Variants in RABGAP1L observed in about 807,000 individuals in gnomAD.
RABGAP1L encodes the protein rab GTPase-activating protein 1-like.
RABGAP1L carries 63 observed loss-of-function variants against 137.7 expected under a neutral mutation model. The observed-to-expected ratio is 0.46, with a 90% CI of 0.37 to 0.56. RABGAP1L has a LOEUF of 0.56. Ranked by LOEUF, RABGAP1L falls within the 20% of genes least tolerant of loss-of-function variation. The pLI is 0.00. For missense variants in RABGAP1L, 1,095 were observed against 1,244.0 expected (o/e 0.88, Z 1.80); for synonymous variants, 431 against 433.7 (o/e 0.99, Z 0.08).
chr1:174,851,561 G>A (rs1026957406), intron 19 of RABGAP1L, among the ~76,000 whole-genome samples: 13 of 151,736 alleles, frequency 8.6e-5, no homozygotes, highest in Admixed American at 3.3e-4. Context: ...TTGCTCTGTC[G>A]CCCATGCTGG....
intron 14 of RABGAP1L, among the ~76,000 whole-genome samples, chr1:174,639,601 C>G (rs1674357462): frequency 6.6e-6 from 1 of 151,952 alleles, no homozygotes; most frequent in Non-Finnish European, 1.5e-5. Flanking sequence ...TTCCCTTCAG[C>G]TTTTCTCTGA....
intron 18 of RABGAP1L, chr1:174,756,718 A>G (rs1684795525): frequency 3.7e-6 from 1 of 273,440 alleles, no homozygotes; most frequent in South Asian, 3.5e-5. Flanking sequence ...GAAAACTCCC[A>G]AAAGACCCTG....
chr1:174,292,237 C>A (rs752664160), intron 10 of RABGAP1L, among the ~76,000 whole-genome samples: 12 of 148,810 alleles, frequency 8.1e-5, no homozygotes, highest in Non-Finnish European at 1.6e-4. Context: ...TGCTATGTTG[C>A]TCAGGCTGGT....
intron 6 of RABGAP1L, 93 bp downstream of exon 6, chr1:174,250,725 A>G: frequency 8.8e-7 from 1 of 1,139,614 alleles, no homozygotes. Context: ...GTGTTGGCAT[A>G]AAGCCTCAAA....
chr1:174,633,143 C>G (rs1283090506), intron 13 of RABGAP1L, among the ~76,000 whole-genome samples: 1 of 151,300 alleles, frequency 6.6e-6, no homozygotes, highest in Admixed American at 6.6e-5. Context: ...CCCATCGTCT[C>G]AGCCCAAAAT....
intron 13 of RABGAP1L, chr1:174,548,360 C>G: frequency 9.4e-7 from 1 of 1,060,954 alleles, no homozygotes; most frequent in Non-Finnish European, 1.2e-6. Flanking sequence ...ATTACCCTTA[C>G]TTTAAAAGTC....
chr1:174,633,576 G>A (rs1451895345), intron 13 of RABGAP1L, among the ~76,000 whole-genome samples: 1 of 141,610 alleles, frequency 7.1e-6, no homozygotes, highest in Non-Finnish European at 1.5e-5. Flanking sequence ...GCATCACCAA[G>A]TCAATCCTAA....
intron 13 of RABGAP1L, among the ~76,000 whole-genome samples, chr1:174,458,846 G>T (rs1267755902): frequency 6.6e-6 from 1 of 151,992 alleles, no homozygotes; most frequent in Non-Finnish European, 1.5e-5. Context: ...TAGTCTAAAA[G>T]AGTTAATTTA....
intron 13 of RABGAP1L, among the ~76,000 whole-genome samples, chr1:174,506,515 A>G (rs566530770): frequency 6.6e-6 from 1 of 152,352 alleles, no homozygotes; most frequent in Non-Finnish European, 1.5e-5. Flanking sequence ...AGTAACAAGG[A>G]ACTGTTTGAC....
chr1:174,544,508 T>C (rs1665817151), intron 13 of RABGAP1L, among the ~76,000 whole-genome samples: 1 of 152,196 alleles, frequency 6.6e-6, no homozygotes, highest in African/African-American at 2.4e-5. Flanking sequence ...TAATCTTTCT[T>C]CATGGTTTTT....
chr1:174,546,630 C>A (rs1391696010), intron 13 of RABGAP1L, among the ~76,000 whole-genome samples: 1 of 152,116 alleles, frequency 6.6e-6, no homozygotes, highest in Non-Finnish European at 1.5e-5. Context: ...CTCTTTCAGT[C>A]CTTGCTAGGT....
intron 13 of RABGAP1L, among the ~76,000 whole-genome samples, chr1:174,439,356 G>T (rs1447630894): frequency 2.6e-5 from 4 of 152,060 alleles, no homozygotes; most frequent in African/African-American, 9.7e-5. Flanking sequence ...GCTCTTGAGC[G>T]GTCACTAAAT....
chr1:174,239,835 CT>C (rs1671636592), intron 4 of RABGAP1L, among the ~76,000 whole-genome samples: 1 of 152,120 alleles, frequency 6.6e-6, no homozygotes, highest in African/African-American at 2.4e-5. Flanking sequence ...TTGCTTTAAT[CT>C]TTTAAAAACC....
At chr1:174,602,731 C>T (rs931211014) in intron 13 of RABGAP1L, among the ~76,000 whole-genome samples, 12 of 152,110 alleles carry the variant, frequency 7.9e-5, no homozygotes, top group African/African-American at 2.9e-4. Context: ...TATTGAGAGA[C>T]TGATACATTC....
chr1:174,243,994 C>T (rs944558496), intron 5 of RABGAP1L, among the ~76,000 whole-genome samples: 4 of 152,148 alleles, frequency 2.6e-5, no homozygotes, highest in Admixed American at 6.6e-5. Flanking sequence ...ATTCCATTTA[C>T]GTTTTGTATT....
At chr1:174,632,502 C>G (rs1673494707) in intron 13 of RABGAP1L, among the ~76,000 whole-genome samples, 1 of 150,502 alleles carries the variant, frequency 6.6e-6, no homozygotes, top group East Asian at 1.9e-4. Flanking sequence ...CAACTTGGTT[C>G]CATTCTCTGC....
At chr1:174,565,749 G>C (rs1445941197) in intron 13 of RABGAP1L, among the ~76,000 whole-genome samples, 1 of 152,122 alleles carries the variant, frequency 6.6e-6, no homozygotes, top group Non-Finnish European at 1.5e-5. Context: ...AATGTTTTCA[G>C]ACAGGTAATT....
At chr1:174,225,494 C>CTTTTTTT (rs59323156) in intron 3 of RABGAP1L, among the ~76,000 whole-genome samples, 55 of 105,708 alleles carry the variant, frequency 5.2e-4, no homozygotes, top group African/African-American at 1.7e-3. Flanking sequence ...AGAATGTTGA[C>CTTTTTTT]TTTTTTTTTT....
At chr1:174,865,024 G>A (rs1324348506) in intron 19 of RABGAP1L, among the ~76,000 whole-genome samples, 1 of 152,120 alleles carries the variant, frequency 6.6e-6, no homozygotes, top group African/African-American at 2.4e-5. Context: ...GGCTGAGGTG[G>A]GAGGATCACC....
Sources: gnomAD v4.1 joint callset for allele counts (sites outside exome capture counted in the v4.1 genomes callset) on GRCh38, gnomAD v4.1.1 for gene constraint, MANE v1.5 for transcripts, NCBI Gene and HGNC (gene_info 2026-07-23, HGNC 2026-07-21) for gene names.